Variants in FAM13A observed in about 807,000 individuals in gnomAD.
FAM13A encodes the protein protein FAM13A.
Under a neutral mutation model 129.6 loss-of-function variants are expected in FAM13A, and 76 were observed. The ratio of observed to expected loss-of-function variants is 0.59; its 90% CI spans 0.49 to 0.71. The LOEUF is 0.71. Ranked by LOEUF, FAM13A falls within the 30% of genes least tolerant of loss-of-function variation. The pLI, the probability that FAM13A is intolerant of heterozygous loss-of-function variation, is 0.00. For missense variants in FAM13A, 1,108 were observed against 1,249.3 expected (o/e 0.89, Z 1.70); for synonymous variants, 443 against 449.9 (o/e 0.98, Z 0.20).
intron 6 of FAM13A, among the ~76,000 whole-genome samples, chr4:88,862,100 T>G (rs1403851376): frequency 1.3e-5 from 2 of 152,216 alleles, no homozygotes; most frequent in Non-Finnish European, 2.9e-5. Flanking sequence ...AAATTAGACT[T>G]ATTTCTGCAC....
intron 6 of FAM13A, among the ~76,000 whole-genome samples, chr4:88,879,395 T>G (rs2150117716): frequency 6.6e-6 from 1 of 152,202 alleles, no homozygotes; most frequent in East Asian, 1.9e-4. Context: ...GGGTAAAGAG[T>G]TCATGCTTTA....
At chr4:88,902,223 T>C (rs1275392676) in intron 6 of FAM13A, among the ~76,000 whole-genome samples, 2 of 152,042 alleles carry the variant, frequency 1.3e-5, no homozygotes, top group African/African-American at 2.4e-5. Flanking sequence ...TTCCAAAAAA[T>C]TGAAAAGGAG....
At chr4:88,813,696 C>T (rs1161731447) in intron 7 of FAM13A, among the ~76,000 whole-genome samples, 1 of 152,114 alleles carries the variant, frequency 6.6e-6, no homozygotes, top group African/African-American at 2.4e-5. Context: ...ATCCTGTCAT[C>T]CTCTCCCGAA....
intron 6 of FAM13A, among the ~76,000 whole-genome samples, chr4:88,896,360 C>T (rs966260543): frequency 4.6e-5 from 7 of 151,628 alleles, no homozygotes; most frequent in East Asian, 1.9e-4. Flanking sequence ...GCGTGGCACA[C>T]GTATACATAT....
At chr4:88,944,867 C>T (rs547417637) in intron 4 of FAM13A, among the ~76,000 whole-genome samples, 3 of 151,124 alleles carry the variant, frequency 2.0e-5, no homozygotes, top group African/African-American at 7.3e-5. Flanking sequence ...CATGCCACTG[C>T]ACTCCAGCCT....
At chr4:88,985,848 T>TTA (rs1553914945) in intron 4 of FAM13A, among the ~76,000 whole-genome samples, 5 of 144,890 alleles carry the variant, frequency 3.5e-5, no homozygotes, top group Non-Finnish European at 6.1e-5. Context: ...CAAAAAAGAA[T>TTA]AAAAAAAAAA....
intron 10 of FAM13A, among the ~76,000 whole-genome samples, chr4:88,785,111 C>G (rs894767565): frequency 3.9e-5 from 6 of 152,098 alleles, no homozygotes; most frequent in African/African-American, 1.4e-4. Flanking sequence ...ACTGACCCTT[C>G]TACTCATCTT....
intron 7 of FAM13A, among the ~76,000 whole-genome samples, chr4:88,819,332 A>T (rs1246780712): frequency 6.6e-6 from 1 of 152,222 alleles, no homozygotes; most frequent in Non-Finnish European, 1.5e-5. Context: ...TCATAACTTC[A>T]TCTCATCTGC....
At chr4:88,781,675 TAG>T (rs887816425) in intron 10 of FAM13A, among the ~76,000 whole-genome samples, 6 of 152,026 alleles carry the variant, frequency 3.9e-5, no homozygotes, top group Non-Finnish European at 7.4e-5. Context: ...TTATTCACAG[TAG>T]ATGTTTAAAT....
chr4:88,744,025 A>T (rs1299712515), intron 19 of FAM13A, among the ~76,000 whole-genome samples: 2 of 152,192 alleles, frequency 1.3e-5, no homozygotes, highest in Non-Finnish European at 2.9e-5. Context: ...CTTCATTATC[A>T]GGTTATCATA....
intron 19 of FAM13A, among the ~76,000 whole-genome samples, chr4:88,744,236 C>A (rs1306747527): frequency 6.6e-6 from 1 of 152,158 alleles, no homozygotes; most frequent in Non-Finnish European, 1.5e-5. Context: ...CCCATTCTCT[C>A]CCCTCTATGG....
chr4:88,857,065 TGCTA>T (rs1738649605), intron 6 of FAM13A, among the ~76,000 whole-genome samples: 1 of 152,232 alleles, frequency 6.6e-6, no homozygotes, highest in African/African-American at 2.4e-5. Context: ...CCAGCCACAG[TGCTA>T]GCTAATTAAT....
At chr4:88,853,827 A>T (rs1392161458) in intron 6 of FAM13A, among the ~76,000 whole-genome samples, 1 of 152,246 alleles carries the variant, frequency 6.6e-6, no homozygotes, top group Non-Finnish European at 1.5e-5. Context: ...AAGCAGGCAG[A>T]GGAACGTGGA....
intron 21 of FAM13A, among the ~76,000 whole-genome samples, chr4:88,733,882 A>C (rs3852087): frequency 0.18 from 27,181 of 152,218 alleles, 2,545 homozygotes; most frequent in East Asian, 0.24. Flanking sequence ...AGGCCTTATC[A>C]ATTATATCCC....
intron 6 of FAM13A, among the ~76,000 whole-genome samples, chr4:88,887,988 T>C (rs1391925422): frequency 6.6e-6 from 1 of 152,214 alleles, no homozygotes; most frequent in Non-Finnish European, 1.5e-5. Flanking sequence ...GATTTAAAAA[T>C]CAAACCACTC....
intron 7 of FAM13A, among the ~76,000 whole-genome samples, chr4:88,825,024 A>T (rs1732729480): frequency 6.6e-6 from 1 of 152,112 alleles, no homozygotes; most frequent in Non-Finnish European, 1.5e-5. Flanking sequence ...TTGAGGTAGA[A>T]AATCACAATT....
At chr4:88,745,522 G>C (rs888393894) in intron 19 of FAM13A, among the ~76,000 whole-genome samples, 9 of 152,150 alleles carry the variant, frequency 5.9e-5, no homozygotes, top group Non-Finnish European at 1.2e-4. Flanking sequence ...CAAATCCACA[G>C]AAGTAAAAGA....
chr4:88,760,564 A>C lies in FAM13A; in HGVS notation c.1579-1663T>G, dbSNP rs1432695078. 3.4e-5 allele frequency among the ~76,000 whole-genome samples: 4 copies of C among 115,982 alleles called. 1 individual carries two copies. Among genetic ancestry groups the C allele is most frequent in the African/African-American group, 1.3e-4 (4 of 31,252 alleles). 76.1% of individuals were successfully genotyped at this position (115,982 alleles called of 152,430 possible). ...GCTTGCAGTGAGCCGAGGTCGCGCC[A>C]CTGCACTCCAGCCTGGGCGACAGAG... On this transcript the variant is annotated intron_variant, in intron 13 of 23. Transcript: ENST00000264344.
At chr4:88,811,123 C>T in intron 7 of FAM13A, among the ~76,000 whole-genome samples, 1 of 152,158 alleles carries the variant, frequency 6.6e-6, no homozygotes, top group South Asian at 2.1e-4. Flanking sequence ...CCAAAATCAG[C>T]TCTGGACCAA....
Sources: gnomAD v4.1 joint callset for allele counts (sites outside exome capture counted in the v4.1 genomes callset) on GRCh38, gnomAD v4.1.1 for gene constraint, MANE v1.5 for transcripts, NCBI Gene and HGNC (gene_info 2026-07-23, HGNC 2026-07-21) for gene names.